Variants in BRINP1 observed in about 807,000 individuals in gnomAD.
BRINP1 encodes the protein BMP/retinoic acid-inducible neural-specific protein 1.
BRINP1 carries 17 observed loss-of-function variants against 72.9 expected under a neutral mutation model. That is an observed-to-expected ratio of 0.23 (90% CI 0.16 to 0.35). BRINP1 has a LOEUF of 0.35. Among genes scored for constraint, BRINP1 ranks in the 10% least tolerant of loss-of-function variants. The probability of loss-of-function intolerance (pLI) is 1.00; values close to 1 mark genes in which losing one functional copy is unlikely to be tolerated. For missense variants in BRINP1, 850 were observed against 1,001.6 expected, an observed-to-expected ratio of 0.85 and a Z score of 2.04; for synonymous variants, 418 against 378.5, an observed-to-expected ratio of 1.10 and a Z score of -1.21.
chr9:119,239,941 G>A (rs1564225842), intron 4 of BRINP1, among the ~76,000 whole-genome samples: 1 of 152,022 alleles, frequency 6.6e-6, no homozygotes, highest in East Asian at 1.9e-4. Flanking sequence ...AATGGTGAAT[G>A]GGCAAAACTT....
At chr9:119,340,378 A>G (rs374223841) in intron 1 of BRINP1, among the ~76,000 whole-genome samples, 5 of 152,194 alleles carry the variant, frequency 3.3e-5, no homozygotes, top group African/African-American at 1.2e-4. Flanking sequence ...ATCCATGAGT[A>G]GAGTCTCATT....
intron 7 of BRINP1, among the ~76,000 whole-genome samples, chr9:119,193,425 T>G (rs936773174): frequency 6.6e-6 from 1 of 152,122 alleles, no homozygotes; most frequent in Non-Finnish European, 1.5e-5. Context: ...GTGGTTACTC[T>G]GCTTGTAGGG....
Position 119,167,733 on chromosome 9 carries a change from A to G in BRINP1, c.1637T>C (p.Met546Thr). ...DFIHMVIGMS[M>T]RICQMRNSSL... is the part of the protein sequence containing the mutation. ...GCTGTTGCGCATCTGGCAGATGCGCATGGACATGCCGATCACCATGTGGAT... is the reference window on the plus strand; with the variant it reads ...GCTGTTGCGCATCTGGCAGATGCGCGTGGACATGCCGATCACCATGTGGAT... The change falls in exon 8 of 8, where the codon ATG becomes ACG. Residue 546 changes from methionine to threonine, a missense_variant. Coordinates refer to ENST00000265922, the MANE Select transcript of BRINP1 (RefSeq NM_014618.3). The surrounding 1 kb of genome is among the most constrained non-coding windows in gnomAD (Gnocchi z 4.3). 1.2e-6 allele frequency: 2 copies of G among 1,614,122 alleles called. No individual in the cohort carries two copies. The highest frequency in any genetic ancestry group is 1.7e-6 in the Non-Finnish European group (2 of 1,180,004).
intron 7 of BRINP1, among the ~76,000 whole-genome samples, chr9:119,194,786 C>T (rs932372079): frequency 1.3e-5 from 2 of 152,142 alleles, no homozygotes; most frequent in Non-Finnish European, 2.9e-5. Context: ...TCCCCAGAAC[C>T]CACTGGTAAG....
intron 2 of BRINP1, among the ~76,000 whole-genome samples, chr9:119,259,593 T>C (rs952759094): frequency 6.6e-6 from 1 of 152,190 alleles, no homozygotes; most frequent in Non-Finnish European, 1.5e-5. Context: ...TAACTAAATA[T>C]AGATTAATAA....
At chr9:119,357,433 CT>C (rs141430502) in intron 1 of BRINP1, among the ~76,000 whole-genome samples, 4,502 of 152,278 alleles carry the variant, frequency 0.03, 201 homozygotes, top group African/African-American at 0.087. Context: ...AAGATTCTGG[CT>C]CTTGGCTGTG....
At chr9:119,237,455 C>T (rs988583635) in intron 5 of BRINP1, among the ~76,000 whole-genome samples, 21 of 151,294 alleles carry the variant, frequency 1.4e-4, no homozygotes, top group African/African-American at 4.9e-4. Context: ...CTCTGCCTCC[C>T]GGGTTCATGC....
chr9:119,175,023 C>G (rs1039333344), intron 7 of BRINP1, among the ~76,000 whole-genome samples: 1 of 145,374 alleles, frequency 6.9e-6, no homozygotes, highest in Non-Finnish European at 1.5e-5. Flanking sequence ...TGCTAGATGA[C>G]GAGTTAGTGG....
intron 7 of BRINP1, among the ~76,000 whole-genome samples, chr9:119,207,067 A>G (rs1829865239): frequency 6.6e-6 from 1 of 152,220 alleles, no homozygotes; most frequent in Non-Finnish European, 1.5e-5. Context: ...AGGAGGTTTC[A>G]TAAGGGGGGA....
intron 6 of BRINP1, 80 bp downstream of exon 6, chr9:119,213,839 T>C (rs1344019479): frequency 7.9e-7 from 1 of 1,261,616 alleles, no homozygotes; most frequent in Non-Finnish European, 1.2e-6. Context: ...CTTGCAGCAG[T>C]CCTAATTCCA....
chr9:119,320,953 C>T (rs988053672), intron 1 of BRINP1, among the ~76,000 whole-genome samples: 36 of 151,238 alleles, frequency 2.4e-4, no homozygotes, highest in Admixed American at 5.9e-4. Context: ...TTTTTTGAGA[C>T]GGAGTCTCGC....
intron 2 of BRINP1, among the ~76,000 whole-genome samples, chr9:119,281,317 A>G (rs28433708): frequency 0.016 from 2,452 of 152,214 alleles, 72 homozygotes; most frequent in African/African-American, 0.054. Flanking sequence ...TCTGCAATCA[A>G]TCAGCCTGCT....
In BRINP1 at chr9:119,208,960, C is replaced by G; in HGVS notation, c.923-19G>C. The G allele has an allele frequency of 1.9e-6, 3 of 1,598,624 alleles. No homozygotes were observed. Among genetic ancestry groups the G allele is most frequent in the Non-Finnish European group, 2.6e-6 (3 of 1,166,172 alleles). Reference sequence around the variant, plus strand: ...AACTCATCTAGTGAGAGACAAAGGCCGAGAGAGAAGGGCTAAGCATGATAA... The same window carrying G: ...AACTCATCTAGTGAGAGACAAAGGCGGAGAGAGAAGGGCTAAGCATGATAA... On this transcript the variant is annotated intron_variant, in intron 6 of 7. Coordinates refer to ENST00000265922, the MANE Select transcript of BRINP1 (RefSeq NM_014618.3).
At chr9:119,298,851 C>T (rs1425835435) in intron 2 of BRINP1, among the ~76,000 whole-genome samples, 1 of 152,162 alleles carries the variant, frequency 6.6e-6, no homozygotes, top group Admixed American at 6.5e-5. Flanking sequence ...ATACTATTAC[C>T]TGCTTTCTTT....
intron 6 of BRINP1, chr9:119,213,620 G>T: frequency 1.8e-6 from 1 of 559,886 alleles, no homozygotes. Flanking sequence ...AACTACCTCT[G>T]ACTCTTCCCT....
intron 1 of BRINP1, among the ~76,000 whole-genome samples, chr9:119,347,471 C>A (rs1831462981): frequency 6.6e-6 from 1 of 152,138 alleles, no homozygotes; most frequent in East Asian, 1.9e-4. Context: ...CCGTGTCCTG[C>A]ACATACTGTT....
chr9:119,287,991 GT>G (rs1163031925), intron 2 of BRINP1, among the ~76,000 whole-genome samples: 1 of 150,250 alleles, frequency 6.7e-6, no homozygotes, highest in Non-Finnish European at 1.5e-5. Context: ...GAACTTAAAA[GT>G]TAAAAAAAAA....
intron 7 of BRINP1, among the ~76,000 whole-genome samples, chr9:119,170,556 T>C (rs1038884425): frequency 8.5e-5 from 13 of 152,104 alleles, no homozygotes; most frequent in Admixed American, 7.9e-4. Context: ...GAAAGCACTC[T>C]GCAGGATATT....
At chr9:119,258,498 A>G (rs942643605) in intron 2 of BRINP1, among the ~76,000 whole-genome samples, 7 of 152,178 alleles carry the variant, frequency 4.6e-5, no homozygotes, top group Non-Finnish European at 1.5e-5. Context: ...TTCCTGAGAT[A>G]CACTCCATGC....
Sources: gnomAD v4.1 joint callset for allele counts (sites outside exome capture counted in the v4.1 genomes callset) on GRCh38, gnomAD v4.1.1 for gene constraint, Gnocchi (gnomAD v3.1) non-coding constraint, MANE v1.5 for transcripts, NCBI Gene and HGNC (gene_info 2026-07-23, HGNC 2026-07-21) for gene names.